Variants in NELL1 observed in about 807,000 individuals in gnomAD.
NELL1 encodes the protein protein kinase C-binding protein NELL1.
NELL1 carries 76 observed loss-of-function variants against 107.4 expected under a neutral mutation model. The observed-to-expected ratio is 0.71, with a 90% CI of 0.59 to 0.86. The LOEUF (loss-of-function observed/expected upper bound fraction) is 0.86, where lower values mean the gene tolerates loss of function less well. NELL1 is among the 40% of genes least tolerant of loss of function. The pLI, the probability that NELL1 is intolerant of heterozygous loss-of-function variation, is 0.00. For missense variants in NELL1, 1,024 were observed against 1,005.5 expected (o/e 1.02, Z -0.25); for synonymous variants, 353 against 341.2 (o/e 1.03, Z -0.38).
chr11:21,487,953 A>G (rs1459617320), intron 15 of NELL1, among the ~76,000 whole-genome samples: 1 of 152,216 alleles, frequency 6.6e-6, no homozygotes, highest in Non-Finnish European at 1.5e-5. Flanking sequence ...TTACATAATG[A>G]TAAAAGAATC....
chr11:21,190,429 G>A (rs1590718602), intron 13 of NELL1, among the ~76,000 whole-genome samples: 1 of 151,944 alleles, frequency 6.6e-6, no homozygotes, highest in East Asian at 1.9e-4. Context: ...GCATCATAAG[G>A]CCTTAGTCAT....
chr11:21,067,251 A>G (rs1853897164), intron 12 of NELL1, among the ~76,000 whole-genome samples: 1 of 152,230 alleles, frequency 6.6e-6, no homozygotes, highest in South Asian at 2.1e-4. Flanking sequence ...GTTCCTAACA[A>G]GTACAAGGAA....
In NELL1 at chr11:21,483,878, C is replaced by CATAT. The variant is rs1485901293; in HGVS notation, c.1646-50495_1646-50494insTATA. ...ATATATACATATACAAACACACACA[C>CATAT]ACACACATATATATATATATATAAA... On this transcript the variant is annotated intron_variant, in intron 15 of 19. Coordinates refer to ENST00000357134, the MANE Select transcript of NELL1 (RefSeq NM_006157.5). Among the ~76,000 whole-genome samples, 20 of 142,068 alleles carry CATAT rather than the reference C, an allele frequency of 1.4e-4. No individual in the cohort carries two copies. The East Asian group carries it at 3.6e-3, about 25-fold the overall frequency. 93.2% of individuals were successfully genotyped at this position (142,068 alleles called of 152,430 possible).
intron 14 of NELL1, chr11:21,283,953 C>G: frequency 3.0e-6 from 1 of 330,920 alleles, no homozygotes; most frequent in Non-Finnish European, 6.0e-6. Context: ...CACACAGTGA[C>G]TATGATTCCT....
At position 20,669,959 on chromosome 11, in the gene NELL1, C is replaced by T. The variant is rs138224406; in HGVS notation, c.55+181C>T. Among the ~76,000 whole-genome samples the T allele has an allele frequency of 8.1e-3, 1,230 of 152,288 alleles. 5 individuals are homozygous for T. The highest frequency in any genetic ancestry group is 0.012 in the Non-Finnish European group (819 of 68,018). On this transcript the variant is annotated intron_variant, in intron 1 of 19. Coordinates refer to ENST00000357134, the MANE Select transcript of NELL1 (RefSeq NM_006157.5). This position sits in a 1 kb window ranked among gnomAD's most constrained non-coding sequence, Gnocchi z 4.4. Reference sequence around the variant, plus strand: ...CAGGGTGAAAATAGGGACTCACGGGCTTGAAGATGTCCCCGTTGAGTGCCC... The same window carrying T: ...CAGGGTGAAAATAGGGACTCACGGGTTTGAAGATGTCCCCGTTGAGTGCCC...
chr11:21,492,506 AC>A (rs1369177053), intron 15 of NELL1, among the ~76,000 whole-genome samples: 1 of 151,764 alleles, frequency 6.6e-6, no homozygotes, highest in African/African-American at 2.4e-5. Context: ...CAAATGTCCA[AC>A]AATGATAGAC....
chr11:21,121,845 T>C (rs1337083170), intron 13 of NELL1, among the ~76,000 whole-genome samples: 1 of 152,156 alleles, frequency 6.6e-6, no homozygotes, highest in African/African-American at 2.4e-5. Flanking sequence ...TCATCGAAAG[T>C]TTGTTTTTCC....
In NELL1 at chr11:20,669,728, C is replaced by T. The variant is rs1162842438; in HGVS notation, c.5C>T (p.Pro2Leu). 5 of 1,613,376 alleles carry T rather than the reference C, an allele frequency of 3.1e-6. No individual in the cohort carries two copies. Among genetic ancestry groups the T allele is most frequent in the Admixed American group, 1.7e-5 (1 of 59,980 alleles). The change falls in exon 1 of 20, where the codon CCG (proline) becomes CTG (leucine). Residue 2 changes from proline to leucine, a missense_variant. By Grantham distance (98) the Pro-to-Leu change is moderately conservative. Transcript: ENST00000357134. The surrounding 1 kb of genome is among the most constrained non-coding windows in gnomAD (Gnocchi z 4.4). ...AGGCGGGGACCCTCGAGAGCGATGC[C>T]GATGGATTTGATTTTAGTTGTGTGG... M[P>L]MDLILVVWFC...
At position 21,560,280 on chromosome 11, in the gene NELL1, T is replaced by A. The variant is rs1243949761; in HGVS notation, c.1878T>A (p.Ser626=). 2.5e-6 allele frequency: 4 copies of A among 1,613,428 alleles called. No individual in the cohort carries two copies. The highest frequency in any genetic ancestry group is 3.4e-6 in the Non-Finnish European group (4 of 1,179,674). The change falls in exon 17 of 20, where the codon TCT becomes TCA. Residue 626 remains serine (S), a synonymous_variant. Coordinates refer to ENST00000357134, the MANE Select transcript of NELL1 (RefSeq NM_006157.5). The part of the protein sequence containing the change: ...LAGGFDCLCP[S]GPSCSGDCPH... ...GGGGCTTTGACTGTCTCTGCCCCTC[T>A]GGGCCCTCCTGCTCTGGTGACTGTC...
At chr11:21,097,736 T>C (rs764226754) in intron 12 of NELL1, among the ~76,000 whole-genome samples, 22 of 152,162 alleles carry the variant, frequency 1.4e-4, no homozygotes, top group Non-Finnish European at 2.5e-4. Context: ...ACAGGCTAAA[T>C]CCTTTGAAGA....
At chr11:20,757,803 T>G (rs1856330843) in intron 2 of NELL1, among the ~76,000 whole-genome samples, 1 of 152,218 alleles carries the variant, frequency 6.6e-6, no homozygotes, top group African/African-American at 2.4e-5. Flanking sequence ...CTCCTTTTTT[T>G]GCAATTTTGG....
chr11:21,031,876 C>T (rs1490869146), intron 12 of NELL1, among the ~76,000 whole-genome samples: 2 of 151,832 alleles, frequency 1.3e-5, no homozygotes, highest in Non-Finnish European at 2.9e-5. Flanking sequence ...AAACCCCTGT[C>T]TCTACTAAAA....
intron 4 of NELL1, among the ~76,000 whole-genome samples, chr11:20,862,798 CGAT>C (rs1018735934): frequency 1.3e-5 from 2 of 151,882 alleles, no homozygotes; most frequent in African/African-American, 4.8e-5. Context: ...TAGGGAGTGG[CGAT>C]GACTCTCAAC....
intron 2 of NELL1, among the ~76,000 whole-genome samples, chr11:20,695,747 T>G (rs1388618588): frequency 6.6e-6 from 1 of 152,058 alleles, no homozygotes; most frequent in Non-Finnish European, 1.5e-5. Context: ...TAGTTTTTCA[T>G]TGTGTCTTTG....
At chr11:20,699,523 A>T (rs1029174429) in intron 2 of NELL1, among the ~76,000 whole-genome samples, 2 of 151,940 alleles carry the variant, frequency 1.3e-5, no homozygotes, top group Admixed American at 1.3e-4. Context: ...ACCATGCCCA[A>T]CTAATTTGTG....
chr11:21,074,837 T>C (rs1854097655), intron 12 of NELL1, among the ~76,000 whole-genome samples: 1 of 152,192 alleles, frequency 6.6e-6, no homozygotes, highest in Non-Finnish European at 1.5e-5. Flanking sequence ...TATACTCCCA[T>C]TGGGAAACAA....
At chr11:21,002,459 C>A (rs1852244261) in intron 12 of NELL1, among the ~76,000 whole-genome samples, 1 of 152,110 alleles carries the variant, frequency 6.6e-6, no homozygotes, top group African/African-American at 2.4e-5. Context: ...TTTGTCTGGA[C>A]AGATTACTAC....
intron 14 of NELL1, among the ~76,000 whole-genome samples, chr11:21,302,280 G>A (rs1849508590): frequency 6.6e-6 from 1 of 152,040 alleles, no homozygotes; most frequent in Non-Finnish European, 1.5e-5. Context: ...GTCATGGCTA[G>A]TAGTTGGTAC....
At chr11:20,897,172 G>T (rs1327743012) in intron 5 of NELL1, among the ~76,000 whole-genome samples, 1 of 152,154 alleles carries the variant, frequency 6.6e-6, no homozygotes, top group Non-Finnish European at 1.5e-5. Flanking sequence ...ATACTACAAA[G>T]CTACAGTAAC....
Sources: gnomAD v4.1 joint callset for allele counts (sites outside exome capture counted in the v4.1 genomes callset) on GRCh38, gnomAD v4.1.1 for gene constraint, Gnocchi (gnomAD v3.1) non-coding constraint, MANE v1.5 for transcripts, NCBI Gene and HGNC (gene_info 2026-07-23, HGNC 2026-07-21) for gene names.